Variants in RPH3A observed in about 807,000 individuals in gnomAD.
RPH3A encodes the protein rabphilin 3A.
Under a neutral mutation model 102.2 loss-of-function variants are expected in RPH3A, and 48 were observed. That is an observed-to-expected ratio of 0.47 (90% CI 0.37 to 0.60). The LOEUF (loss-of-function observed/expected upper bound fraction) is 0.60, where lower values mean the gene tolerates loss of function less well. RPH3A is among the 20% of genes least tolerant of loss of function. RPH3A has a pLI of 0.00. For synonymous variants in RPH3A, 310 were observed against 324.3 expected (o/e 0.96, Z 0.47); for missense variants, 781 against 910.1 (o/e 0.86, Z 1.83).
intron 4 of RPH3A, among the ~76,000 whole-genome samples, chr12:112,843,957 C>T (rs1437928372): frequency 6.6e-6 from 1 of 152,082 alleles, no homozygotes; most frequent in Non-Finnish European, 1.5e-5. Context: ...AAACAGCAGG[C>T]TGAGGGATAT....
chr12:112,817,028 T>C (rs1593036769), intron 2 of RPH3A, among the ~76,000 whole-genome samples: 1 of 152,278 alleles, frequency 6.6e-6, no homozygotes, highest in East Asian at 1.9e-4. Context: ...GGAAGGTAAG[T>C]AAACTTGCCC....
At position 112,865,396 on chromosome 12, in the gene RPH3A, C is replaced by T. The variant is rs751444033; in HGVS notation, c.231-18C>T. 1 of 1,612,784 alleles carries T rather than the reference C, an allele frequency of 6.2e-7. No individual in the cohort carries two copies. The highest frequency in any genetic ancestry group is 1.1e-5 in the South Asian group (1 of 90,828). Reference sequence around the variant, plus strand: ...CCCAGTCCTACAAGGTCCTTATTTACCTTGTCTCTGCTTCCAGACGCCTGG... The same window carrying T: ...CCCAGTCCTACAAGGTCCTTATTTATCTTGTCTCTGCTTCCAGACGCCTGG... On this transcript the variant is annotated intron_variant, in intron 5 of 21. Coordinates refer to ENST00000389385, the MANE Select transcript of RPH3A (RefSeq NM_001143854.2).
chr12:112,845,488 C>T (rs1355141074), intron 4 of RPH3A, among the ~76,000 whole-genome samples: 3 of 152,184 alleles, frequency 2.0e-5, no homozygotes, highest in Non-Finnish European at 2.9e-5. Flanking sequence ...CCTAGGGCCT[C>T]GGGAGGTACC....
chr12:112,795,395 G>A (rs1372922073), intron 2 of RPH3A, among the ~76,000 whole-genome samples: 2 of 152,216 alleles, frequency 1.3e-5, no homozygotes, highest in African/African-American at 2.4e-5. Flanking sequence ...ATGGTGGGCT[G>A]AAGCTGATGA....
At chr12:112,788,377 G>T (rs1258596171), upstream of RPH3A, among the ~76,000 whole-genome samples, 1 of 152,232 alleles carries the variant, frequency 6.6e-6, no homozygotes, top group East Asian at 1.9e-4. Flanking sequence ...GTCAGTTGAG[G>T]CCTCTTTTCA....
chr12:112,731,059 C>T (rs1014718496), intron 1 of RPH3A, among the ~76,000 whole-genome samples: 9 of 152,194 alleles, frequency 5.9e-5, no homozygotes, highest in Admixed American at 3.9e-4. Context: ...CAGAGGGATC[C>T]TCTCTAGGAG....
chr12:112,887,866 G>GA lies in RPH3A; in HGVS notation c.1509dup (p.Leu504ThrfsTer35), dbSNP rs1334054648. 6.2e-7 allele frequency: 1 copy of GA among 1,613,990 alleles called. No homozygotes were observed. Among genetic ancestry groups the GA allele is most frequent in the East Asian group, 2.2e-5 (1 of 44,882 alleles). On this transcript the variant is annotated frameshift_variant, in exon 17 of 22. Transcript: ENST00000389385. LOFTEE classifies it high-confidence loss of function. Reference sequence around the variant, plus strand: ...TTGGTGAGACCAGATTCTCCCTCAAGAAACTGAAGCCCAACCAGAGGAAGA... The same window carrying GA: ...TTGGTGAGACCAGATTCTCCCTCAAGAAAACTGAAGCCCAACCAGAGGAAGA...
At chr12:112,771,733 G>A (rs182894842) in intron 1 of RPH3A, among the ~76,000 whole-genome samples, 85 of 152,210 alleles carry the variant, frequency 5.6e-4, no homozygotes, top group Non-Finnish European at 6.2e-4. Flanking sequence ...ATGTGTTATC[G>A]CATTTCTAAT....
At position 112,881,843 on chromosome 12, in the gene RPH3A, C is replaced by A; in HGVS notation, c.1323C>A (p.Ser441Arg). The A allele has an allele frequency of 6.2e-7, 1 of 1,611,662 alleles. No homozygotes were observed. The highest frequency in any genetic ancestry group is 8.5e-7 in the Non-Finnish European group (1 of 1,178,466). The change falls in exon 15 of 22, where the codon AGC becomes AGA. Residue 441 changes from serine to arginine, a missense_variant. Coordinates refer to ENST00000389385, the MANE Select transcript of RPH3A (RefSeq NM_001143854.2). Reference sequence around the variant, plus strand: ...AGCTGCACCTCCTGCCGGGAGCCAGCAAGGTACCATATGGCCTGGGCTTCT... The same window carrying A: ...AGCTGCACCTCCTGCCGGGAGCCAGAAAGGTACCATATGGCCTGGGCTTCT... ...YVKLHLLPGASKSNKLRTKTL... is the reference protein window; with the variant it reads ...YVKLHLLPGARKSNKLRTKTL...
chr12:112,591,734 A>G (rs182712318), intron 1 of RPH3A: 4 of 152,322 alleles, frequency 2.6e-5, no homozygotes, highest in Non-Finnish European at 1.5e-5. Flanking sequence ...CTGCAGGGAC[A>G]GATAACTCAG....
At chr12:112,843,784 G>A (rs557089761) in intron 4 of RPH3A, among the ~76,000 whole-genome samples, 1 of 152,262 alleles carries the variant, frequency 6.6e-6, no homozygotes, top group African/African-American at 2.4e-5. Flanking sequence ...GAAGAGACGT[G>A]GCGGCAAATA....
intron 1 of RPH3A, among the ~76,000 whole-genome samples, chr12:112,684,265 T>C (rs890680253): frequency 2.0e-5 from 3 of 152,100 alleles, no homozygotes; most frequent in Non-Finnish European, 4.4e-5. Context: ...TTGTTTTGCT[T>C]TTGTTTTTTT....
At chr12:112,594,864 C>T (rs908796712) in intron 1 of RPH3A, among the ~76,000 whole-genome samples, 3 of 152,206 alleles carry the variant, frequency 2.0e-5, no homozygotes, top group Non-Finnish European at 4.4e-5. Context: ...ATTGAGCACT[C>T]GCTATATTCC....
chr12:112,717,269 A>G (rs1189415424), intron 1 of RPH3A, among the ~76,000 whole-genome samples: 1 of 152,094 alleles, frequency 6.6e-6, no homozygotes, highest in Non-Finnish European at 1.5e-5. Context: ...CTCAATCAAG[A>G]TACAGAACCA....
chr12:112,831,822 G>T (rs2041975373), intron 3 of RPH3A: 1 of 455,814 alleles, frequency 2.2e-6, no homozygotes, highest in African/African-American at 2.0e-5. Context: ...CCAACAAATT[G>T]CCCTTCCTCT....
intron 1 of RPH3A, among the ~76,000 whole-genome samples, chr12:112,773,638 A>G (rs1009072096): frequency 6.6e-6 from 1 of 151,960 alleles, no homozygotes; most frequent in Admixed American, 6.6e-5. Context: ...TTTATATGCA[A>G]CATTCCATTT....
At chr12:112,686,972 A>G (rs2040269811) in intron 1 of RPH3A, among the ~76,000 whole-genome samples, 2 of 151,900 alleles carry the variant, frequency 1.3e-5, no homozygotes, top group South Asian at 2.1e-4. Flanking sequence ...AAATTTAACT[A>G]GGCATGGTGG....
intron 1 of RPH3A, among the ~76,000 whole-genome samples, chr12:112,780,770 C>T (rs944445362): frequency 2.0e-5 from 3 of 152,160 alleles, no homozygotes; most frequent in African/African-American, 4.8e-5. Context: ...GCTCCCTATG[C>T]GGGTATCAGA....
At chr12:112,652,867 C>T (rs1158789082) in intron 1 of RPH3A, among the ~76,000 whole-genome samples, 1 of 152,118 alleles carries the variant, frequency 6.6e-6, no homozygotes, top group African/African-American at 2.4e-5. Flanking sequence ...GAGAAATGCA[C>T]CTTTAGGTGA....
Sources: allele counts gnomAD v4.1 joint callset (sites outside exome capture counted in the v4.1 genomes callset), GRCh38; gene constraint gnomAD v4.1.1; transcripts MANE v1.5; gene names NCBI Gene and HGNC (gene_info 2026-07-23, HGNC 2026-07-21).